ACCS: variants seen among roughly 807,000 people sequenced by gnomAD.
ACCS encodes 1-aminocyclopropane-1-carboxylate synthase-like protein 1.
A neutral mutation model predicts 59.8 loss-of-function variants in ACCS; 42 were observed. The ratio of observed to expected loss-of-function variants is 0.70; its 90% CI spans 0.55 to 0.91. The LOEUF (loss-of-function observed/expected upper bound fraction) is 0.91. Ranked by LOEUF, ACCS falls within the 40% of genes least tolerant of loss-of-function variation. The pLI is 0.00. For synonymous variants in ACCS, 230 were observed against 240.3 expected (o/e 0.96, Z 0.40); for missense variants, 602 against 630.4 (o/e 0.95, Z 0.48).
At chr11:44,069,501 G>A (rs1207399985) in intron 2 of ACCS, among the ~76,000 whole-genome samples, 1 of 152,208 alleles carries the variant, frequency 6.6e-6, no homozygotes, top group East Asian at 1.9e-4. Flanking sequence ...ACAGGCATGA[G>A]CCACCGCGCC....
chr11:44,081,511 T>G (rs989085681), intron 12 of ACCS, among the ~76,000 whole-genome samples, 191 bp downstream of exon 12: 6 of 152,270 alleles, frequency 3.9e-5, no homozygotes, highest in African/African-American at 1.4e-4. Flanking sequence ...GCTTCACCTC[T>G]TTATCTGTAT....
intron 2 of ACCS, among the ~76,000 whole-genome samples, chr11:44,069,508 C>T (rs1045108470): frequency 7.9e-5 from 12 of 152,312 alleles, no homozygotes; most frequent in South Asian, 4.1e-4. Context: ...TGAGCCACCG[C>T]GCCTGGCCAA....
chr11:44,077,566 C>T (rs915797640), intron 7 of ACCS, 190 bp downstream of exon 7: 14 of 1,441,260 alleles, frequency 9.7e-6, no homozygotes, highest in Non-Finnish European at 1.2e-5. Flanking sequence ...CTCTGAGATC[C>T]CTGGGGTTGA....
At chr11:44,071,219 G>T (rs1953034301) in intron 2 of ACCS, 37 bp from the exon 3 acceptor site, 1 of 1,612,912 alleles carries the variant, frequency 6.2e-7, no homozygotes, top group Non-Finnish European at 8.5e-7. Context: ...GCACCCCCCT[G>T]CCATGCTAAC....
chr11:44,080,674 T>C, intron 10 of ACCS: 1 of 345,718 alleles, frequency 2.9e-6, no homozygotes, highest in Non-Finnish European at 5.4e-6. Flanking sequence ...CAGGGAGCTG[T>C]GAGAGGATCT....
Position 44,073,335 on chromosome 11 carries a change from C to T in ACCS, c.349-112C>T, listed in dbSNP as rs952748735. 6 of 874,768 alleles carry T rather than the reference C, an allele frequency of 6.9e-6. No individual in the cohort carries two copies. In the East Asian group the frequency reaches 1.3e-4, roughly 19 times the overall value. The allele number at this position is 874,768 out of a possible 1,614,324, so 54.2% of individuals were successfully genotyped here. A position where few individuals can be genotyped will look rare whatever the true frequency, so the allele number is the denominator to read the frequency against. On this transcript the variant is annotated intron_variant, in intron 3 of 14. Coordinates refer to ENST00000263776, the MANE Select transcript of ACCS (RefSeq NM_032592.4). The stretch of plus-strand genomic sequence containing the variant: ...ATGAGAAAGCTGTCACTCTCTGCCC[C>T]TCTCGCAGTTTCTCTGATGAGCAGA...
Position 44,081,206 on chromosome 11 carries a change from GGCAC to G in ACCS, c.1000_1003del (p.Thr334CysfsTer70). 1.9e-6 allele frequency: 3 copies of G among 1,614,242 alleles called. No homozygotes were observed. The highest frequency in any genetic ancestry group is 2.5e-6 in the Non-Finnish European group (3 of 1,180,050). ...CTTCGGGATGTCTGGGCTCCGCTTT[GGCAC>G]GCTGTACACAGAAAACCAGGATGTG... is the stretch of plus-strand genomic sequence containing the variant. On this transcript the variant is annotated frameshift_variant, in exon 12 of 15. Coordinates refer to ENST00000263776, the MANE Select transcript of ACCS (RefSeq NM_032592.4). LOFTEE classifies it high-confidence loss of function.
At chr11:44,074,485 C>G in intron 4 of ACCS, 127 bp from the exon 5 acceptor site, 1 of 763,156 alleles carries the variant, frequency 1.3e-6, no homozygotes, top group Non-Finnish European at 2.3e-6. Context: ...ACAGATACAC[C>G]CACACCCCAT....
At position 44,079,007 on chromosome 11, in the gene ACCS, G is replaced by C. The variant is rs1953510605; in HGVS notation, c.833+223G>C. 1.5e-5 allele frequency: 8 copies of C among 539,912 alleles called. No individual in the cohort carries two copies. The South Asian group carries it at 1.6e-4, about 11-fold the overall frequency. The allele number at this position is 539,912 out of a possible 1,614,324, so 33.4% of individuals were successfully genotyped here. ...CTATCAATTAGCGCACACTCTAGGG[G>C]CCAGGCACCATGCTAAGCACTTTAT... is the stretch of plus-strand genomic sequence containing the variant. On this transcript the variant is annotated intron_variant, in intron 9 of 14. Coordinates refer to ENST00000263776, the MANE Select transcript of ACCS (RefSeq NM_032592.4).
intron 2 of ACCS, among the ~76,000 whole-genome samples, chr11:44,069,209 T>G (rs1952930619): frequency 6.6e-6 from 1 of 151,406 alleles, no homozygotes; most frequent in East Asian, 1.9e-4. Context: ...GCTCAAGATC[T>G]TTTTTTTCCT....
chr11:44,080,714 G>T (rs949830248), intron 10 of ACCS: 1 of 458,128 alleles, frequency 2.2e-6, no homozygotes, highest in Admixed American at 3.6e-5. Context: ...CCTGGTCCCA[G>T]GGGGAGTGGT....
chr11:44,067,095 G>A (rs899859974), intron 1 of ACCS: 1 of 156,114 alleles, frequency 6.4e-6, no homozygotes, highest in Non-Finnish European at 1.4e-5. Context: ...CTTCAGGACT[G>A]AAGAGGCAGG....
chr11:44,079,592 G>A lies in ACCS; in HGVS notation c.895G>A (p.Gly299Arg). 4.3e-6 allele frequency: 7 copies of A among 1,611,672 alleles called. No homozygotes were observed. The highest frequency in any genetic ancestry group is 1.1e-5 in the South Asian group (1 of 90,154). The change falls in exon 10 of 15, where the codon GGG becomes AGG. Residue 299 changes from glycine (G) to arginine (R), a missense_variant. By Grantham distance (125) the Gly-to-Arg change is moderately radical. Transcript: ENST00000263776. ...YMLSVFEKSVGYRSVLSLERL... is the reference protein window; with the variant it reads ...YMLSVFEKSVRYRSVLSLERL... ...GCTGTCCGTGTTTGAGAAGTCTGTT[G>A]GGTACCGCAGTGTCCTAAGCCTGGA...
chr11:44,071,460 C>G (rs1953047608), intron 3 of ACCS, 145 bp downstream of exon 3: 1 of 793,518 alleles, frequency 1.3e-6, no homozygotes, highest in African/African-American at 1.7e-5. Flanking sequence ...TACCTTGGGA[C>G]AGTTTTCTGT....
intron 2 of ACCS, among the ~76,000 whole-genome samples, chr11:44,068,358 G>A (rs1952889463): frequency 1.3e-5 from 2 of 152,344 alleles, no homozygotes; most frequent in South Asian, 4.1e-4. Context: ...AGCACTTTGG[G>A]AGGCTGAGGC....
At chr11:44,067,399 G>A (rs1952839369) in intron 1 of ACCS, 2 of 484,486 alleles carry the variant, frequency 4.1e-6, no homozygotes, top group African/African-American at 2.0e-5. Context: ...TTAAAGTCAC[G>A]TCAATGTGGC....
At chr11:44,081,356 G>A (rs758649225) in intron 12 of ACCS, 36 bp downstream of exon 12, 12 of 1,607,360 alleles carry the variant, frequency 7.5e-6, no homozygotes, top group Non-Finnish European at 9.4e-6. Flanking sequence ...AAAATGGGAG[G>A]AGGGTTGGAG....
chr11:44,083,976 G>T lies in ACCS; in HGVS notation c.*184G>T. The stretch of plus-strand genomic sequence containing the variant: ...GGGAAACTCCTTAAGCTGTGGTTCA[G>T]CCTGGGCCCTCCCTCTCTCCTATTA... On this transcript the variant is annotated 3_prime_UTR_variant, in exon 15 of 15. Coordinates refer to ENST00000263776, the MANE Select transcript of ACCS (RefSeq NM_032592.4). 7.5e-7 allele frequency: 1 copy of T among 1,329,800 alleles called. No individual in the cohort carries two copies. The highest frequency in any genetic ancestry group is 1.5e-5 in the South Asian group (1 of 65,186). 82.4% of individuals were successfully genotyped at this position (1,329,800 alleles called of 1,614,324 possible). A position where few individuals can be genotyped will look rare whatever the true frequency, so the allele number is the denominator to read the frequency against.
chr11:44,075,594 T>G lies in ACCS; in HGVS notation c.556+2T>G. 6.2e-7 allele frequency: 1 copy of G among 1,613,804 alleles called. No homozygotes were observed. The highest frequency in any genetic ancestry group is 1.1e-5 in the South Asian group (1 of 91,078). Reference sequence around the variant, plus strand: ...CCACGGTGCTGTGTGAGGCCGGGGGTAAGTGAGCTCTGTGGCCTGCCCCGC... The same window carrying G: ...CCACGGTGCTGTGTGAGGCCGGGGGGAAGTGAGCTCTGTGGCCTGCCCCGC... On this transcript the variant is annotated splice_donor_variant, in intron 6 of 14. Coordinates refer to ENST00000263776, the MANE Select transcript of ACCS (RefSeq NM_032592.4). LOFTEE classifies it high-confidence loss of function.
Sources: gnomAD v4.1 joint callset for allele counts (sites outside exome capture counted in the v4.1 genomes callset) on GRCh38, gnomAD v4.1.1 for gene constraint, MANE v1.5 for transcripts, NCBI Gene and HGNC (gene_info 2026-07-23, HGNC 2026-07-21) for gene names.